VN1R4: variants seen among roughly 807,000 people sequenced by gnomAD.
The protein encoded by VN1R4 is vomeronasal 1 receptor 4, also known as vomeronasal type-1 receptor 4.
For missense variants in VN1R4, 291 were observed against 364.2 expected, an observed-to-expected ratio of 0.80 and a Z score of 1.64; for synonymous variants, 97 against 138.8, an observed-to-expected ratio of 0.70 and a Z score of 2.12.
At chr19:53,267,567 G>T in the VN1R4 span, 2 of 1,614,028 alleles carry the variant, frequency 1.2e-6, no homozygotes, top group Non-Finnish European at 1.7e-6. Flanking sequence ...ACCCAGTGCA[G>T]TAAAAGGAGA....
At chr19:53,266,728 G>T in exon 1 of VN1R4, 1 of 1,551,972 alleles carries the variant, frequency 6.4e-7, no homozygotes, top group South Asian at 1.3e-5. Flanking sequence ...TATATACAAT[G>T]TACATGTTTA....
exon 1 of VN1R4, chr19:53,267,338 T>C: frequency 1.2e-6 from 2 of 1,614,076 alleles, no homozygotes; most frequent in Non-Finnish European, 8.5e-7. Context: ...TTCCTGGAGC[T>C]GACCGTGATC....
At chr19:53,267,593 C>A in exon 1 of VN1R4, 1 of 1,613,452 alleles carries the variant, frequency 6.2e-7, no homozygotes, top group Non-Finnish European at 8.5e-7. Context: ...TGGAGAAGAA[C>A]AGAGAAGCTC....
exon 1 of VN1R4, chr19:53,267,583 T>C (rs746990112): frequency 1.2e-6 from 2 of 1,613,934 alleles, no homozygotes; most frequent in East Asian, 2.2e-5. Flanking sequence ...GGAGAGATAA[T>C]GGAGAAGAAC....
exon 1 of VN1R4, chr19:53,267,493 C>T (rs140031028): frequency 2.5e-5 from 39 of 1,555,568 alleles, no homozygotes; most frequent in South Asian, 1.8e-4. Flanking sequence ...TCCTTTACAG[C>T]GGAGAGCTAA....
At chr19:53,267,125 C>A (rs1394105514) in exon 1 of VN1R4, 3 of 1,611,950 alleles carry the variant, frequency 1.9e-6, no homozygotes, top group East Asian at 2.2e-5. Context: ...AACAACATTG[C>A]ACGCAGTGTC....
chr19:53,266,727 T>A (rs1002945503), exon 1 of VN1R4: 23 of 1,548,428 alleles, frequency 1.5e-5, no homozygotes, highest in Non-Finnish European at 2.0e-5. Flanking sequence ...ATATATACAA[T>A]GTACATGTTT....
In VN1R4 at chr19:53,267,339, G is replaced by C. The variant is rs146233714; in HGVS notation, c.327C>G (p.Val109=). 1.2e-5 allele frequency: 19 copies of C among 1,614,000 alleles called. No individual in the cohort carries two copies. In the African/African-American group the frequency reaches 2.4e-4, roughly 20 times the overall value. Residue 109 remains valine (V), a synonymous_variant, in exon 1 of 1, where the codon GTC becomes GTG. Coordinates refer to ENST00000311170, the Ensembl canonical transcript of VN1R4. ...TTGCCCACCTGGATTTCCTGGAGCT[G>C]ACCGTGATCACCTGGAAGACACTCA...
In VN1R4 at chr19:53,266,724, C is replaced by CA. The variant is rs752479253; in HGVS notation, c.*35dup. The CA allele has an allele frequency of 1.9e-6, 3 of 1,539,730 alleles. No homozygotes were observed. The South Asian group carries it at 3.8e-5, about 20-fold the overall frequency. On this transcript the variant is annotated 3_prime_UTR_variant, in exon 1 of 1. Transcript: ENST00000311170. ...CAATTGAACCATGAGCAAATATATA[C>CA]AATGTACATGTTTATGATGAGGTTA...
At chr19:53,266,890 A>G in exon 1 of VN1R4, 1 of 1,614,200 alleles carries the variant, frequency 6.2e-7, no homozygotes, top group Non-Finnish European at 8.5e-7. Flanking sequence ...GGGATTATCC[A>G]AAAGAGCCAT....
chr19:53,267,686 C>A, exon 1 of VN1R4: 1 of 1,553,824 alleles, frequency 6.4e-7, no homozygotes, highest in South Asian at 1.3e-5. Flanking sequence ...ATGTCTGTCA[C>A]TGATGTTTGT....
At chr19:53,266,793 A>G (rs1325797318) in exon 1 of VN1R4, 2 of 1,613,326 alleles carry the variant, frequency 1.2e-6, no homozygotes, top group East Asian at 4.5e-5. Flanking sequence ...ACCTGTATAC[A>G]CTGGGGTCAC....
At chr19:53,266,905 A>G in exon 1 of VN1R4, 1 of 1,614,132 alleles carries the variant, frequency 6.2e-7, no homozygotes, top group African/African-American at 1.3e-5. Context: ...AGCCATACAA[A>G]CTTGGAAAAG....
exon 1 of VN1R4, chr19:53,267,246 C>T: frequency 6.2e-7 from 1 of 1,609,842 alleles, no homozygotes; most frequent in Non-Finnish European, 8.5e-7. Context: ...TGATGTTTAC[C>T]AACATGCACA....
rs370340296 is a variant in VN1R4 at position 53,267,257 on chromosome 19, C to T, written c.409G>A (p.Val137Met). 181 of 1,612,500 alleles carry T rather than the reference C, an allele frequency of 1.1e-4. No homozygotes were observed. The Middle Eastern group carries it at 2.6e-3, about 24-fold the overall frequency. Residue 137 changes from valine (V) to methionine (M), a missense_variant, in exon 1 of 1, where the codon GTG (valine) becomes ATG (methionine). Coordinates refer to ENST00000311170, the Ensembl canonical transcript of VN1R4. Reference sequence around the variant, plus strand: ...AAGATGATGTTTACCAACATGCACACGATCCAGCACAGGAGAACAGAAAAG... The same window carrying T: ...AAGATGATGTTTACCAACATGCACATGATCCAGCACAGGAGAACAGAAAAG...
In VN1R4 at chr19:53,267,629, A is replaced by G. The variant is rs960239904; in HGVS notation, c.37T>C (p.Ser13Pro). Residue 13 changes from serine (S) to proline (P), a missense_variant, in exon 1 of 1, where the codon TCA becomes CCA. By Grantham distance (74) the Ser-to-Pro change is moderately conservative. Transcript: ENST00000311170. ...CCCAGGACTCCCACCACGGTCTGTGATAAGATCATTCCCACTGCCACATAC... is the reference window on the plus strand; with the variant it reads ...CCCAGGACTCCCACCACGGTCTGTGGTAAGATCATTCCCACTGCCACATAC... The G allele has an allele frequency of 5.0e-6, 8 of 1,610,008 alleles. No individual in the cohort carries two copies. In the African/African-American group the frequency reaches 6.7e-5, roughly 13 times the overall value.
chr19:53,266,679 G>A (rs1599933802), exon 1 of VN1R4: 11 of 1,369,552 alleles, frequency 8.0e-6, no homozygotes, highest in Middle Eastern at 1.9e-4. Flanking sequence ...ATTACATTGC[G>A]GCACAGAAGA....
rs1460806499 is a variant in VN1R4, at chr19:53,266,926, G to C, written c.740C>G (p.Thr247Ser). ...ACAAACTTGGAAAAGGCAGGAGAGAGTGTAAGAAGACACAAAGGTGCTCAC... is the reference window on the plus strand; with the variant it reads ...ACAAACTTGGAAAAGGCAGGAGAGACTGTAAGAAGACACAAAGGTGCTCAC... The change falls in exon 1 of 1, where the codon ACT becomes AGT. Residue 247 changes from threonine (T) to serine (S), a missense_variant. Transcript: ENST00000311170. 3 of 1,613,908 alleles carry C rather than the reference G, an allele frequency of 1.9e-6. No individual in the cohort carries two copies. In the South Asian group the frequency reaches 3.3e-5, roughly 18 times the overall value.
At chr19:53,267,182 C>T (rs771582787) in exon 1 of VN1R4, 5 of 1,611,184 alleles carry the variant, frequency 3.1e-6, no homozygotes, top group African/African-American at 1.3e-5. Flanking sequence ...CCCAAATCCT[C>T]GTTCACTGTG....
Sources: gnomAD v4.1 joint callset for allele counts on GRCh38, gnomAD v4.1.1 for gene constraint, MANE v1.5 for transcripts, NCBI Gene and HGNC (gene_info 2026-07-23, HGNC 2026-07-21) for gene names.